SLC36A1: variants seen among roughly 807,000 people sequenced by gnomAD.
The protein encoded by SLC36A1 is proton-coupled amino acid transporter 1.
In SLC36A1, 30 loss-of-function variants were observed where a neutral mutation model predicts 47.5. The ratio of observed to expected loss-of-function variants is 0.63; its 90% CI spans 0.47 to 0.86. SLC36A1 has a LOEUF of 0.86. Ranked by LOEUF, SLC36A1 falls within the 40% of genes least tolerant of loss-of-function variation. The probability of loss-of-function intolerance (pLI) is 0.00; values close to 1 mark genes in which losing one functional copy is unlikely to be tolerated. For missense variants in SLC36A1, 517 were observed against 606.0 expected (o/e 0.85, Z 1.54); for synonymous variants, 255 against 249.7 (o/e 1.02, Z -0.20).
chr5:151,522,353 A>G, the SLC36A1 span, among the ~76,000 whole-genome samples: 1 of 152,332 alleles, frequency 6.6e-6, no homozygotes, highest in Admixed American at 6.5e-5. Context: ...CTCATGTGAC[A>G]TCTCTCTGAG....
the SLC36A1 span, among the ~76,000 whole-genome samples, chr5:151,498,011 T>A: frequency 6.6e-6 from 1 of 151,500 alleles, no homozygotes; most frequent in Non-Finnish European, 1.5e-5. Context: ...AATGGTGCAA[T>A]CTTGGCTCAC....
At chr5:151,426,213 T>A in the SLC36A1 span, among the ~76,000 whole-genome samples, 1 of 152,180 alleles carries the variant, frequency 6.6e-6, no homozygotes, top group Non-Finnish European at 1.5e-5. Context: ...GACGAGAGAC[T>A]GAGAAAAGAA....
chr5:151,512,298 A>T, the SLC36A1 span: 1 of 1,614,190 alleles, frequency 6.2e-7, no homozygotes, highest in Non-Finnish European at 8.5e-7. This position sits in a 1 kb window ranked among gnomAD's most constrained non-coding sequence, Gnocchi z 4.1. Context: ...GGGCCAGCAG[A>T]TCTAGAGCCT....
the SLC36A1 span, chr5:151,510,390 A>T: frequency 1.9e-6 from 1 of 530,558 alleles, no homozygotes; most frequent in Non-Finnish European, 3.4e-6. Context: ...CACCAGAGAC[A>T]ACAGTCACCT....
intron 10 of SLC36A1, among the ~76,000 whole-genome samples, chr5:151,481,766 C>G (rs539468243): frequency 1.3e-5 from 2 of 152,044 alleles, no homozygotes; most frequent in South Asian, 4.2e-4. Context: ...GGAGGGAAAA[C>G]AAGTATTTCA....
chr5:151,351,534 G>A, the SLC36A1 span, among the ~76,000 whole-genome samples: 1 of 152,146 alleles, frequency 6.6e-6, no homozygotes, highest in African/African-American at 2.4e-5. Flanking sequence ...TCAGCAAGTG[G>A]CTTCTTCTGG....
chr5:151,367,446 G>A, the SLC36A1 span, among the ~76,000 whole-genome samples: 10 of 146,990 alleles, frequency 6.8e-5, no homozygotes, highest in East Asian at 3.9e-4. Context: ...TTGCACCTCC[G>A]TTTATAGGCT....
At chr5:151,437,934 T>C (rs574847277) in intron 1 of SLC36A1, among the ~76,000 whole-genome samples, 160 of 152,300 alleles carry the variant, frequency 1.1e-3, no homozygotes, top group African/African-American at 3.6e-3. Flanking sequence ...TTTCCTTGGC[T>C]CATGGCGTCT....
the SLC36A1 span, chr5:151,531,661 G>A: frequency 1.1e-5 from 18 of 1,613,612 alleles, no homozygotes; most frequent in Non-Finnish European, 3.4e-6. This position sits in a 1 kb window ranked among gnomAD's most constrained non-coding sequence, Gnocchi z 5.7. Flanking sequence ...CTCTGCGCCC[G>A]GGCGAGTGAG....
chr5:151,544,134 C>T, the SLC36A1 span: 37 of 1,614,216 alleles, frequency 2.3e-5, no homozygotes, highest in Non-Finnish European at 2.9e-5. Context: ...GAACTGTGGA[C>T]ATCTCCCCTG....
the SLC36A1 span, among the ~76,000 whole-genome samples, chr5:151,540,037 A>G: frequency 6.6e-6 from 1 of 152,236 alleles, no homozygotes; most frequent in Non-Finnish European, 1.5e-5. Flanking sequence ...GTATTTGATA[A>G]TAGTGAGCCA....
At chr5:151,477,729 T>A (rs1210154717) in intron 9 of SLC36A1, among the ~76,000 whole-genome samples, 1 of 152,256 alleles carries the variant, frequency 6.6e-6, no homozygotes, top group Non-Finnish European at 1.5e-5. Context: ...ATATCCATCT[T>A]GTGTCTACTT....
the SLC36A1 span, among the ~76,000 whole-genome samples, chr5:151,372,232 C>T: frequency 6.6e-6 from 1 of 152,150 alleles, no homozygotes; most frequent in Non-Finnish European, 1.5e-5. Flanking sequence ...ACTCTCAAGA[C>T]AGAATCAAAC....
the SLC36A1 span, among the ~76,000 whole-genome samples, chr5:151,383,570 A>ATT: frequency 8.7e-3 from 1,189 of 137,076 alleles, 58 homozygotes; most frequent in African/African-American, 0.025. Context: ...TTTTAACTTA[A>ATT]ATTTTTTTTT....
the SLC36A1 span, chr5:151,537,700 C>G: frequency 7.8e-7 from 1 of 1,286,092 alleles, no homozygotes; most frequent in East Asian, 2.3e-5. Flanking sequence ...TGAGTGAATT[C>G]CTGTTTCTTC....
At chr5:151,390,218 G>A in the SLC36A1 span, among the ~76,000 whole-genome samples, 1 of 152,196 alleles carries the variant, frequency 6.6e-6, no homozygotes, top group Non-Finnish European at 1.5e-5. Flanking sequence ...CTTTTGAGAA[G>A]TGTCTGTTCA....
chr5:151,459,757 G>C (rs1755231898), intron 2 of SLC36A1: 1 of 152,242 alleles, frequency 6.6e-6, no homozygotes, highest in Non-Finnish European at 1.5e-5. Flanking sequence ...CTTACTGAGA[G>C]ATCCTTCATG....
At chr5:151,353,526 C>T in the SLC36A1 span, among the ~76,000 whole-genome samples, 162 of 152,240 alleles carry the variant, frequency 1.1e-3, 1 homozygote, top group Middle Eastern at 3.4e-3. Flanking sequence ...CATCCAGCAA[C>T]GGAGTGAGAC....
intron 1 of SLC36A1, among the ~76,000 whole-genome samples, chr5:151,440,933 T>C (rs2127440641): frequency 6.6e-6 from 1 of 152,356 alleles, no homozygotes; most frequent in East Asian, 1.9e-4. Context: ...CTTCAGAAGC[T>C]TGTCCTTTAG....
Sources: gnomAD v4.1 joint callset for allele counts (sites outside exome capture counted in the v4.1 genomes callset) on GRCh38, gnomAD v4.1.1 for gene constraint, Gnocchi (gnomAD v3.1) non-coding constraint, MANE v1.5 for transcripts, NCBI Gene and HGNC (gene_info 2026-07-23, HGNC 2026-07-21) for gene names.